FOXI2: variants seen among roughly 807,000 people sequenced by gnomAD.
The protein encoded by FOXI2 is forkhead box I2.
FOXI2 carries 17 observed loss-of-function variants against 14.3 expected under a neutral mutation model. The ratio of observed to expected loss-of-function variants is 1.19; its 90% CI spans 0.81 to 1.78. FOXI2 has a LOEUF of 1.78. Among genes scored for constraint, FOXI2 ranks in the 40% most tolerant of loss-of-function variants. The pLI, the probability that FOXI2 is intolerant of heterozygous loss-of-function variation, is 0.00. For synonymous variants in FOXI2, 240 were observed against 218.8 expected, an observed-to-expected ratio of 1.10 and a Z score of -0.85; for missense variants, 541 against 460.0, an observed-to-expected ratio of 1.18 and a Z score of -1.61.
chr10:127,740,185 C>CCACACT lies in FOXI2; in HGVS notation c.*1225_*1226insTCACAC, dbSNP rs1564749681. 4 of 137,200 alleles carry CCACACT rather than the reference C, an allele frequency of 2.9e-5. No individual in the cohort carries two copies. The highest frequency in any genetic ancestry group is 7.2e-5 in the Admixed American group (1 of 13,798). The allele number at this position is 137,200 out of a possible 1,614,324, so 8.5% of individuals were successfully genotyped here. On this transcript the variant is annotated 3_prime_UTR_variant, in exon 2 of 2. Coordinates refer to ENST00000388920, the MANE Select transcript of FOXI2 (RefSeq NM_207426.3). ...CACACTCATACTCACACACCCACACCCACACCCACACCCACACCCACACCC... is the reference window on the plus strand; with the variant it reads ...CACACTCATACTCACACACCCACACCCACACTCACACCCACACCCACACCCACACCC...
rs1846511317 is a variant in FOXI2, at chr10:127,740,480, G to A, written c.*1515G>A. On this transcript the variant is annotated 3_prime_UTR_variant, in exon 2 of 2. Coordinates refer to ENST00000388920, the MANE Select transcript of FOXI2 (RefSeq NM_207426.3). ...CCCCAGTCAGATGCCCTGAGTCTTT[G>A]TGGCATCTGGGACTCCCTGGAGATG... 1 of 150,926 alleles carries A rather than the reference G, an allele frequency of 6.6e-6. No homozygotes were observed. The highest frequency in any genetic ancestry group is 2.0e-4 in the East Asian group (1 of 5,118). The allele number at this position is 150,926 out of a possible 1,614,324, so 9.3% of individuals were successfully genotyped here.
chr10:127,740,139 ACT>A lies in FOXI2; in HGVS notation c.*1176_*1177del, dbSNP rs1480505806. The A allele has an allele frequency of 3.0e-5, 1 of 33,306 alleles. No homozygotes were observed. The highest frequency in any genetic ancestry group is 8.0e-5 in the Non-Finnish European group (1 of 12,464). The allele number at this position is 33,306 out of a possible 1,614,324, so 2.1% of individuals were successfully genotyped here. On this transcript the variant is annotated 3_prime_UTR_variant, in exon 2 of 2. Transcript: ENST00000388920. ...CACACTCACACCCACACACACCCAC[ACT>A]CATACTCACACCCACACCCACACTC...
Position 127,740,108 on chromosome 10 carries a change from T to TCACACTCACACCCACACA in FOXI2, c.*1148_*1149insTCACACCCACACACACAC. ...CCCACACTCACACTCACACCCACAC[T>TCACACTCACACCCACACA]CACACCACACTCACACCCACACACA... On this transcript the variant is annotated 3_prime_UTR_variant, in exon 2 of 2. Coordinates refer to ENST00000388920, the MANE Select transcript of FOXI2 (RefSeq NM_207426.3). 1 of 34,692 alleles carries TCACACTCACACCCACACA rather than the reference T, an allele frequency of 2.9e-5. No homozygotes were observed. The highest frequency in any genetic ancestry group is 9.8e-5 in the African/African-American group (1 of 10,222). 2.1% of individuals were successfully genotyped at this position (34,692 alleles called of 1,614,324 possible).
rs1554874515 is a variant in FOXI2 at position 127,740,069 on chromosome 10, T to TCTCACACTCACACCCAC, written c.*1104_*1105insCTCACACTCACACCCAC. 1 of 62,064 alleles carries TCTCACACTCACACCCAC rather than the reference T, an allele frequency of 1.6e-5. No individual in the cohort carries two copies. The highest frequency in any genetic ancestry group is 2.9e-5 in the Non-Finnish European group (1 of 34,896). The allele number at this position is 62,064 out of a possible 1,614,324, so 3.8% of individuals were successfully genotyped here. On this transcript the variant is annotated 3_prime_UTR_variant, in exon 2 of 2. Coordinates refer to ENST00000388920, the MANE Select transcript of FOXI2 (RefSeq NM_207426.3). The stretch of plus-strand genomic sequence containing the variant: ...ACACCCACACTCACACCCACACTCA[T>TCTCACACTCACACCCAC]ACTCACACTCACACCCACACTCACA...
At position 127,737,590 on chromosome 10, in the gene FOXI2, C is replaced by G. The variant is rs1846433759; in HGVS notation, c.317C>G (p.Ser106Cys). The G allele has an allele frequency of 3.2e-6, 5 of 1,553,144 alleles. No homozygotes were observed. Among genetic ancestry groups the G allele is most frequent in the Admixed American group, 3.9e-5 (2 of 51,086 alleles). Residue 106 changes from serine (S) to cysteine (C), a missense_variant, in exon 1 of 2, where the codon TCC becomes TGC. Coordinates refer to ENST00000388920, the MANE Select transcript of FOXI2 (RefSeq NM_207426.3). ...ELLRLVRPPY[S>C]YSALIAMAIQ... ...CTGAGGCTGGTGCGGCCGCCCTACT[C>G]CTACTCGGCGCTCATCGCCATGGCC...
rs1846456989 is a variant in FOXI2, at chr10:127,739,008, A to G, written c.*43A>G. ...GCCGGGTGCGGGTCCAGAGGTGCTG[A>G]GCTCAGGCCTCCGGTTTCCCCTGGT... On this transcript the variant is annotated 3_prime_UTR_variant, in exon 2 of 2. Coordinates refer to ENST00000388920, the MANE Select transcript of FOXI2 (RefSeq NM_207426.3). 1 of 1,526,368 alleles carries G rather than the reference A, an allele frequency of 6.6e-7. No homozygotes were observed. The allele number at this position is 1,526,368 out of a possible 1,614,324, so 94.6% of individuals were successfully genotyped here. A position where few individuals can be genotyped will look rare whatever the true frequency, so the allele number is the denominator to read the frequency against.
chr10:127,740,014 ACACC>A lies in FOXI2; in HGVS notation c.*1053_*1056del, dbSNP rs1846493064. On this transcript the variant is annotated 3_prime_UTR_variant, in exon 2 of 2. Coordinates refer to ENST00000388920, the MANE Select transcript of FOXI2 (RefSeq NM_207426.3). ...TCACACCACACCCACACTCACACTGACACCCACACTCACACCCACACTCACACTG... is the reference window on the plus strand; with the variant it reads ...TCACACCACACCCACACTCACACTGACACACTCACACCCACACTCACACTG... 5 of 123,992 alleles carry A rather than the reference ACACC, an allele frequency of 4.0e-5. No homozygotes were observed. The highest frequency in any genetic ancestry group is 3.4e-4 in the Admixed American group (4 of 11,914). 7.7% of individuals were successfully genotyped at this position (123,992 alleles called of 1,614,324 possible). A position where few individuals can be genotyped will look rare whatever the true frequency, so the allele number is the denominator to read the frequency against.
chr10:127,740,591 C>T lies in FOXI2; in HGVS notation c.*1626C>T, dbSNP rs1273747395. The T allele has an allele frequency of 6.6e-6, 1 of 151,894 alleles. No homozygotes were observed. The highest frequency in any genetic ancestry group is 2.1e-4 in the South Asian group (1 of 4,804). 9.4% of individuals were successfully genotyped at this position (151,894 alleles called of 1,614,324 possible). Reference sequence around the variant, plus strand: ...CATTTTGGGGGAGGGTGGGAGGGGTCCTTCCCAGGAAGAGAGTGGAGACAG... The same window carrying T: ...CATTTTGGGGGAGGGTGGGAGGGGTTCTTCCCAGGAAGAGAGTGGAGACAG... On this transcript the variant is annotated 3_prime_UTR_variant, in exon 2 of 2. Transcript: ENST00000388920.
rs1564749577 is a variant in FOXI2, at chr10:127,740,119, TCACACCCA to T, written c.*1160_*1167del. On this transcript the variant is annotated 3_prime_UTR_variant, in exon 2 of 2. Transcript: ENST00000388920. ...ACTCACACCCACACTCACACCACAC[TCACACCCA>T]CACACACCCACACTCATACTCACAC... 2.1e-3 allele frequency: 58 copies of T among 26,986 alleles called. 1 individual carries two copies. Among genetic ancestry groups the T allele is most frequent in the African/African-American group, 2.9e-3 (23 of 7,898 alleles). 1.7% of individuals were successfully genotyped at this position (26,986 alleles called of 1,614,324 possible).
Position 127,739,248 on chromosome 10 carries a change from A to C in FOXI2, c.*283A>C. 2.4e-6 allele frequency: 1 copy of C among 413,774 alleles called. No individual in the cohort carries two copies. Among genetic ancestry groups the C allele is most frequent in the South Asian group, 4.7e-5 (1 of 21,060 alleles). The allele number at this position is 413,774 out of a possible 1,614,324, so 25.6% of individuals were successfully genotyped here. The stretch of plus-strand genomic sequence containing the variant: ...TGGGCGTCTAGAACCTGTGCTCTCG[A>C]GGGATTTGCCTTGAAGGGGCGGCGG... On this transcript the variant is annotated 3_prime_UTR_variant, in exon 2 of 2. Coordinates refer to ENST00000388920, the MANE Select transcript of FOXI2 (RefSeq NM_207426.3).
rs1220722036 is a variant in FOXI2 at position 127,738,624 on chromosome 10, C to A, written c.616C>A (p.Arg206Ser). The change falls in exon 2 of 2, where the codon CGC becomes AGC. Residue 206 changes from arginine to serine, a missense_variant. Coordinates refer to ENST00000388920, the MANE Select transcript of FOXI2 (RefSeq NM_207426.3). ...GAGAGCTGAAGCCAGCGCGGCCGTG[C>A]GCTCGGGAGCCAGGAGCGTGGGAGG... is the stretch of plus-strand genomic sequence containing the variant. ...KRRAEASAAV[R>S]SGARSVGGAE... 6.2e-7 allele frequency: 1 copy of A among 1,604,328 alleles called. No individual in the cohort carries two copies. Among genetic ancestry groups the A allele is most frequent in the Non-Finnish European group, 8.5e-7 (1 of 1,175,328 alleles).
intron 1 of FOXI2, 107 bp downstream of exon 1, chr10:127,737,891 G>A (rs1398089743): frequency 2.0e-6 from 3 of 1,488,816 alleles, no homozygotes; most frequent in Non-Finnish European, 2.7e-6. Context: ...TTCTCCCTGC[G>A]CGGTTGGGGA....
In FOXI2 at chr10:127,740,151, ACC is replaced by A. The variant is rs1564749639; in HGVS notation, c.*1188_*1189del. The A allele has an allele frequency of 1.0e-4, 11 of 107,566 alleles. No homozygotes were observed. Among genetic ancestry groups the A allele is most frequent in the South Asian group, 3.0e-4 (1 of 3,282 alleles). The allele number at this position is 107,566 out of a possible 1,614,324, so 6.7% of individuals were successfully genotyped here. A position where few individuals can be genotyped will look rare whatever the true frequency, so the allele number is the denominator to read the frequency against. ...CACACACACCCACACTCATACTCAC[ACC>A]CACACCCACACTCATACTCACACAC... On this transcript the variant is annotated 3_prime_UTR_variant, in exon 2 of 2. Transcript: ENST00000388920.
Position 127,738,541 on chromosome 10 carries a change from T to C in FOXI2, c.533T>C (p.Leu178Pro), listed in dbSNP as rs1192824828. The change falls in exon 2 of 2, where the codon CTG (leucine) becomes CCG (proline). Residue 178 changes from leucine to proline, a missense_variant. Coordinates refer to ENST00000388920, the MANE Select transcript of FOXI2 (RefSeq NM_207426.3). ...DDPGKGNYWTLDPNCEKMFDN... is the reference protein window; with the variant it reads ...DDPGKGNYWTPDPNCEKMFDN... ...GCAGGTAAAGGCAATTACTGGACCC[T>C]GGACCCCAACTGCGAGAAGATGTTT... is the stretch of plus-strand genomic sequence containing the variant. 1.2e-6 allele frequency: 2 copies of C among 1,612,786 alleles called. No individual in the cohort carries two copies. The highest frequency in any genetic ancestry group is 1.7e-5 in the Admixed American group (1 of 59,824).
chr10:127,738,369 A>G (rs2134994384), intron 1 of FOXI2, 151 bp from the exon 2 acceptor site: 2 of 622,650 alleles, frequency 3.2e-6, no homozygotes, highest in Non-Finnish European at 5.7e-6. Context: ...CATCGGGTAC[A>G]GAGTGCCCGT....
chr10:127,737,863 C>A, intron 1 of FOXI2, 79 bp downstream of exon 1: 4 of 1,531,240 alleles, frequency 2.6e-6, no homozygotes. Flanking sequence ...GGGGTGGGAG[C>A]ACCTTAGACA....
Position 127,740,159 on chromosome 10 carries a change from CCA to C in FOXI2, c.*1198_*1199del, listed in dbSNP as rs1846505363. On this transcript the variant is annotated 3_prime_UTR_variant, in exon 2 of 2. Coordinates refer to ENST00000388920, the MANE Select transcript of FOXI2 (RefSeq NM_207426.3). ...CCCACACTCATACTCACACCCACAC[CCA>C]CACTCATACTCACACACCCACACCC... 1.7e-5 allele frequency: 2 copies of C among 119,528 alleles called. 1 individual carries two copies. Among genetic ancestry groups the C allele is most frequent in the African/African-American group, 6.2e-5 (2 of 32,032 alleles). The allele number at this position is 119,528 out of a possible 1,614,324, so 7.4% of individuals were successfully genotyped here.
Position 127,737,491 on chromosome 10 carries a change from C to A in FOXI2, c.218C>A (p.Pro73Gln), listed in dbSNP as rs866944235. ...YAAPSYGAPG[P>Q]LLGAPGGLAG... ...GCCCCGAGCTACGGGGCTCCCGGCC[C>A]GCTCCTCGGCGCCCCGGGCGGCCTG... Residue 73 changes from proline to glutamine, a missense_variant, in exon 1 of 2, where the codon CCG becomes CAG. Coordinates refer to ENST00000388920, the MANE Select transcript of FOXI2 (RefSeq NM_207426.3). 1 of 1,396,562 alleles carries A rather than the reference C, an allele frequency of 7.2e-7. No homozygotes were observed. Among genetic ancestry groups the A allele is most frequent in the South Asian group, 1.6e-5 (1 of 60,750 alleles). 86.5% of individuals were successfully genotyped at this position (1,396,562 alleles called of 1,614,324 possible).
chr10:127,739,852 CACACCCACACT>C lies in FOXI2; in HGVS notation c.*888_*898del, dbSNP rs1564749113. The C allele has an allele frequency of 5.2e-4, 19 of 36,688 alleles. 1 individual carries two copies. In the East Asian group the frequency reaches 7.6e-3, roughly 15 times the overall value. The allele number at this position is 36,688 out of a possible 1,614,324, so 2.3% of individuals were successfully genotyped here. A position where few individuals can be genotyped will look rare whatever the true frequency, so the allele number is the denominator to read the frequency against. On this transcript the variant is annotated 3_prime_UTR_variant, in exon 2 of 2. Coordinates refer to ENST00000388920, the MANE Select transcript of FOXI2 (RefSeq NM_207426.3). Reference sequence around the variant, plus strand: ...CCACACCCACACTCACACTCACACTCACACCCACACTCACACCCACACTCACACCCACACCC... The same window carrying C: ...CCACACCCACACTCACACTCACACTCCACACCCACACTCACACCCACACCC...
Sources: gnomAD v4.1 joint callset for allele counts on GRCh38, gnomAD v4.1.1 for gene constraint, MANE v1.5 for transcripts, NCBI Gene and HGNC (gene_info 2026-07-23, HGNC 2026-07-21) for gene names.